PCDHGA4: variants seen among roughly 807,000 people sequenced by gnomAD.
PCDHGA4 encodes the protein protocadherin gamma subfamily A, 4.
A neutral mutation model predicts 54.6 loss-of-function variants in PCDHGA4; 38 were observed. That is an observed-to-expected ratio of 0.70 (90% CI 0.54 to 0.91). PCDHGA4 has a LOEUF of 0.91. Ranked by LOEUF, PCDHGA4 falls within the 40% of genes least tolerant of loss-of-function variation. The pLI is 0.00. For missense variants in PCDHGA4, 1,298 were observed against 1,220.9 expected (o/e 1.06, Z -0.94); for synonymous variants, 511 against 512.9 (o/e 1.00, Z 0.05).
At chr5:141,421,587 G>T (rs758433133) in intron 1 of PCDHGA4, 6 of 1,613,900 alleles carry the variant, frequency 3.7e-6, no homozygotes, top group Non-Finnish European at 4.2e-6. Flanking sequence ...TTTACGGAGT[G>T]GAGGTGGAAA....
intron 1 of PCDHGA4, chr5:141,410,448 C>T: frequency 6.2e-7 from 1 of 1,614,006 alleles, no homozygotes; most frequent in Non-Finnish European, 8.5e-7. Context: ...GGGACTTTGC[C>T]TTATTCTTAT....
rs2099698809 is a variant in PCDHGA4 at position 141,490,343 on chromosome 5, T to C, written c.2515-4464T>C. On this transcript the variant is annotated intron_variant, in intron 1 of 3. Transcript: ENST00000571252. This position sits in a 1 kb window ranked among gnomAD's most constrained non-coding sequence, Gnocchi z 5.4. ...CTAGAGAGCACACCAGTGGGCACAG[T>C]AGTGGGGTTGTTTAATGTGCGAGAC... The C allele has an allele frequency of 6.2e-7, 1 of 1,614,018 alleles. No individual in the cohort carries two copies. Among genetic ancestry groups the C allele is most frequent in the Admixed American group, 1.7e-5 (1 of 60,006 alleles).
At position 141,476,786 on chromosome 5, in the gene PCDHGA4, C is replaced by G. The variant is rs2099398607; in HGVS notation, c.2515-18021C>G. 3.1e-6 allele frequency: 5 copies of G among 1,613,444 alleles called. No individual in the cohort carries two copies. The highest frequency in any genetic ancestry group is 1.7e-5 in the Admixed American group (1 of 60,000). ...GGCGTTGGACGGAGGGACCCCAGCTCTCTCCGCCAGCCTGCCTATTCACAT... is the reference window on the plus strand; with the variant it reads ...GGCGTTGGACGGAGGGACCCCAGCTGTCTCCGCCAGCCTGCCTATTCACAT... On this transcript the variant is annotated intron_variant, in intron 1 of 3. Coordinates refer to ENST00000571252, the MANE Select transcript of PCDHGA4 (RefSeq NM_018917.4). The surrounding 1 kb of genome is among the most constrained non-coding windows in gnomAD (Gnocchi z 7.6).
intron 1 of PCDHGA4, chr5:141,393,488 A>G: frequency 1.9e-6 from 3 of 1,614,066 alleles, no homozygotes; most frequent in Non-Finnish European, 2.5e-6. Context: ...GCTCTAGCAC[A>G]GTGCGCATCC....
chr5:141,360,577 C>T (rs546241238), intron 1 of PCDHGA4: 3 of 1,613,934 alleles, frequency 1.9e-6, no homozygotes, highest in East Asian at 4.5e-5. Context: ...ATCCACTAAG[C>T]CAGGTACAAC....
chr5:141,481,856 G>A (rs1402368786), intron 1 of PCDHGA4, among the ~76,000 whole-genome samples: 1 of 149,156 alleles, frequency 6.7e-6, no homozygotes, highest in Admixed American at 6.8e-5. Flanking sequence ...GGAGGTTGCA[G>A]TGAGCCGAGA....
chr5:141,355,794 C>T lies in PCDHGA4; in HGVS notation c.687C>T (p.Arg229=). Residue 229 remains arginine, a synonymous_variant, in exon 1 of 4, where the codon CGC becomes CGT. Coordinates refer to ENST00000571252, the MANE Select transcript of PCDHGA4 (RefSeq NM_018917.4). ...AGTACCCAGAGCTGGTGCTGGAACG[C>T]GCTCTAGATCGCGAGGAAGAGGCGG... ...GIKYPELVLE[R]ALDREEEAVH... is the part of the protein sequence containing the mutation. The T allele has an allele frequency of 6.2e-7, 1 of 1,613,452 alleles. No individual in the cohort carries two copies. Among genetic ancestry groups the T allele is most frequent in the Non-Finnish European group, 8.5e-7 (1 of 1,179,658 alleles).
intron 1 of PCDHGA4, chr5:141,410,302 A>C: frequency 1.2e-6 from 2 of 1,613,356 alleles, no homozygotes; most frequent in Non-Finnish European, 1.7e-6. Flanking sequence ...CCTTAATCTC[A>C]GTGCTCTTCC....
chr5:141,470,358 A>G (rs1263824284), intron 1 of PCDHGA4, among the ~76,000 whole-genome samples: 2 of 152,174 alleles, frequency 1.3e-5, no homozygotes, highest in African/African-American at 4.8e-5. Context: ...AAATAGACAC[A>G]TTAGGTTGAA....
At chr5:141,414,085 G>C (rs1459185694) in intron 1 of PCDHGA4, 1 of 1,600,126 alleles carries the variant, frequency 6.2e-7, no homozygotes, top group Non-Finnish European at 8.5e-7. Context: ...ATATACTGGA[G>C]AAATAAAAAT....
chr5:141,497,197 A>G (rs1243476120), intron 2 of PCDHGA4, among the ~76,000 whole-genome samples: 2 of 106,804 alleles, frequency 1.9e-5, no homozygotes, highest in African/African-American at 5.7e-5. Flanking sequence ...GCAGAGAACA[A>G]TGTGAGTGTA....
intron 1 of PCDHGA4, chr5:141,394,374 G>A: frequency 1.2e-6 from 2 of 1,614,172 alleles, no homozygotes; most frequent in South Asian, 1.1e-5. Flanking sequence ...GCAATCTTTC[G>A]ACTATGAGCA....
intron 1 of PCDHGA4, chr5:141,374,475 C>A: frequency 6.2e-7 from 1 of 1,612,136 alleles, no homozygotes; most frequent in Non-Finnish European, 8.5e-7. Flanking sequence ...GACAATACAC[C>A]CCGATTCTTA....
Position 141,428,071 on chromosome 5 carries a change from C to T in PCDHGA4, c.2515-66736C>T, listed in dbSNP as rs968712502. ...AAGGTGGTGGCGGTGGACGCAGATTCGGGACACAACGCTTGGCTGTCCTAC... is the reference window on the plus strand; with the variant it reads ...AAGGTGGTGGCGGTGGACGCAGATTTGGGACACAACGCTTGGCTGTCCTAC... On this transcript the variant is annotated intron_variant, in intron 1 of 3. Transcript: ENST00000571252. The T allele has an allele frequency of 5.6e-6, 9 of 1,609,140 alleles. No homozygotes were observed. In the Middle Eastern group the frequency reaches 1.0e-3, roughly 184 times the overall value.
chr5:141,495,918 T>C (rs2099764622), intron 2 of PCDHGA4, among the ~76,000 whole-genome samples: 1 of 152,184 alleles, frequency 6.6e-6, no homozygotes, highest in African/African-American at 2.4e-5. Flanking sequence ...ATATCTTTCT[T>C]TGTCTCTGTC....
chr5:141,426,173 G>A (rs2096919271), intron 1 of PCDHGA4: 1 of 155,348 alleles, frequency 6.4e-6, no homozygotes, highest in African/African-American at 2.4e-5. Flanking sequence ...TACGGATTGG[G>A]GTGCCCTCAA....
chr5:141,371,646 T>C, intron 1 of PCDHGA4: 3 of 1,614,026 alleles, frequency 1.9e-6, no homozygotes, highest in Non-Finnish European at 2.5e-6. Flanking sequence ...GATCCCAGAA[T>C]ACAATGTGAC....
chr5:141,452,015 C>T (rs2098730990), intron 1 of PCDHGA4, among the ~76,000 whole-genome samples: 1 of 152,306 alleles, frequency 6.6e-6, no homozygotes, highest in African/African-American at 2.4e-5. Context: ...GTCCAGCCCA[C>T]ACTCTGGGGA....
At chr5:141,374,155 G>C in intron 1 of PCDHGA4, 1 of 1,612,144 alleles carries the variant, frequency 6.2e-7, no homozygotes, top group Non-Finnish European at 8.5e-7. Flanking sequence ...GGACGCTGTG[G>C]GGGGCCGCGG....
Sources: allele counts gnomAD v4.1 joint callset (sites outside exome capture counted in the v4.1 genomes callset), GRCh38; gene constraint gnomAD v4.1.1; non-coding constraint Gnocchi (gnomAD v3.1); transcripts MANE v1.5; gene names NCBI Gene and HGNC (gene_info 2026-07-23, HGNC 2026-07-21).